ZRANB3: variants seen among roughly 807,000 people sequenced by gnomAD.
ZRANB3 encodes the protein DNA annealing helicase and endonuclease ZRANB3.
In ZRANB3, 125 loss-of-function variants were observed where a neutral mutation model predicts 133.8. That is an observed-to-expected ratio of 0.93 (90% confidence interval 0.81 to 1.08). The LOEUF is 1.08. Among genes scored for constraint, ZRANB3 ranks in the 50% least tolerant of loss-of-function variants. ZRANB3 has a pLI of 0.00. For missense variants in ZRANB3, 1,229 were observed against 1,275.5 expected, an observed-to-expected ratio of 0.96 and a Z score of 0.56; for synonymous variants, 387 against 432.7, an observed-to-expected ratio of 0.89 and a Z score of 1.31.
At chr2:135,506,343 T>C (rs761591021) in intron 1 of ZRANB3, among the ~76,000 whole-genome samples, 1 of 151,994 alleles carries the variant, frequency 6.6e-6, no homozygotes, top group Non-Finnish European at 1.5e-5. Flanking sequence ...TGAGCTGAGA[T>C]CGCACCACTG....
chr2:135,511,718 T>C, intron 1 of ZRANB3: 3 of 766,180 alleles, frequency 3.9e-6, no homozygotes, highest in Non-Finnish European at 4.9e-6. Context: ...TGGAGAATCT[T>C]GGTGTGGCAG....
intron 6 of ZRANB3, among the ~76,000 whole-genome samples, chr2:135,326,650 C>T (rs1318052521): frequency 6.6e-6 from 1 of 151,608 alleles, no homozygotes; most frequent in Non-Finnish European, 1.5e-5. Context: ...GCCTGTAATC[C>T]CAGCACTTTG....
chr2:135,333,573 A>C (rs1439627212), intron 6 of ZRANB3, among the ~76,000 whole-genome samples: 1 of 152,206 alleles, frequency 6.6e-6, no homozygotes, highest in Non-Finnish European at 1.5e-5. Flanking sequence ...ATAATAAATC[A>C]AATCTATAAA....
intron 2 of ZRANB3, among the ~76,000 whole-genome samples, chr2:135,497,601 C>T (rs1039989063): frequency 1.3e-5 from 2 of 152,306 alleles, no homozygotes; most frequent in Admixed American, 6.5e-5. Flanking sequence ...ATTTCCATCA[C>T]AGCGGAAAGT....
Position 135,198,168 on chromosome 2 carries a change from T to A in ZRANB3, c.*2174A>T, listed in dbSNP as rs182842709. 2 of 152,214 alleles carry A rather than the reference T, an allele frequency of 1.3e-5. No individual in the cohort carries two copies. The highest frequency in any genetic ancestry group is 2.9e-5 in the Non-Finnish European group (2 of 68,060). 9.4% of individuals were successfully genotyped at this position (152,214 alleles called of 1,614,324 possible). A position where few individuals can be genotyped will look rare whatever the true frequency, so the allele number is the denominator to read the frequency against. ...GGATCTGCCACTTGCTCTGACACTT[T>A]CTGTGTCCCTCTGTCATAACCTCCC... On this transcript the variant is annotated 3_prime_UTR_variant, in exon 21 of 21. Coordinates refer to ENST00000264159, the MANE Select transcript of ZRANB3 (RefSeq NM_032143.4).
intron 8 of ZRANB3, among the ~76,000 whole-genome samples, chr2:135,296,163 T>C (rs868767191): frequency 2.6e-5 from 4 of 152,244 alleles, no homozygotes; most frequent in African/African-American, 9.6e-5. Flanking sequence ...GATAATATCC[T>C]GCAGAGTGTT....
chr2:135,273,810 T>G (rs1187827529), intron 9 of ZRANB3, among the ~76,000 whole-genome samples: 1 of 152,170 alleles, frequency 6.6e-6, no homozygotes, highest in African/African-American at 2.4e-5. Context: ...GTGCTGGGAT[T>G]ACAGGTGTGA....
Position 135,275,741 on chromosome 2 carries a change from C to G in ZRANB3, c.981G>C (p.Lys327Asn), listed in dbSNP as rs762530793. The G allele has an allele frequency of 6.3e-7, 1 of 1,575,558 alleles. No homozygotes were observed. Among genetic ancestry groups the G allele is most frequent in the Non-Finnish European group, 8.6e-7 (1 of 1,160,928 alleles). ...QTAIAKAGAV[K>N]DYIKMMLQND... is the part of the protein sequence containing the mutation. ...TCTGAAGCATCATCTTAATATAATC[C>G]TTTACAGCACCTGCCTAAATATTAA... The change falls in exon 9 of 21, where the codon AAG (lysine) becomes AAC (asparagine). Residue 327 changes from lysine (K) to asparagine (N), a missense_variant. Physicochemically the swap from Lys to Asn is moderately conservative, Grantham distance 94. Coordinates refer to ENST00000264159, the MANE Select transcript of ZRANB3 (RefSeq NM_032143.4).
chr2:135,504,526 G>A lies in ZRANB3; in HGVS notation c.-7-30C>T, dbSNP rs1574218990. 20 of 1,581,294 alleles carry A rather than the reference G, an allele frequency of 1.3e-5. No individual in the cohort carries two copies. The East Asian group carries it at 4.3e-4, about 34-fold the overall frequency. On this transcript the variant is annotated intron_variant, in intron 1 of 20. Transcript: ENST00000264159. ...AAACAAAGAAACAACAAAAAAGGGA[G>A]GGGTATAAGAAATAGATATTACTAA...
chr2:135,530,576 G>C (rs1559060857), intron 1 of ZRANB3: 1 of 152,404 alleles, frequency 6.6e-6, no homozygotes, highest in East Asian at 1.9e-4. Context: ...TTTGGGACGT[G>C]TCCGCCCCTA....
At chr2:135,222,485 C>T (rs1694594784) in intron 15 of ZRANB3, among the ~76,000 whole-genome samples, 1 of 151,852 alleles carries the variant, frequency 6.6e-6, no homozygotes, top group South Asian at 2.1e-4. Flanking sequence ...TCACATGGTT[C>T]CTGTGATCCT....
rs557682406 is a variant in ZRANB3 at position 135,426,170 on chromosome 2, T to C, written c.162-35350A>G. 2.0e-5 allele frequency among the ~76,000 whole-genome samples: 3 copies of C among 151,678 alleles called. No homozygotes were observed. In the South Asian group the frequency reaches 6.3e-4, roughly 32 times the overall value. The stretch of plus-strand genomic sequence containing the variant: ...GATCCCTGAAAAGACCAATGATGAG[T>C]TCCAAAACTGATTCAGTAATAAAAA... On this transcript the variant is annotated intron_variant, in intron 2 of 20. Coordinates refer to ENST00000264159, the MANE Select transcript of ZRANB3 (RefSeq NM_032143.4).
chr2:135,299,877 AC>A (rs1172739686), intron 8 of ZRANB3, among the ~76,000 whole-genome samples: 1 of 152,244 alleles, frequency 6.6e-6, no homozygotes, highest in African/African-American at 2.4e-5. Context: ...GAAGCCCTGT[AC>A]TATCCTATTG....
chr2:135,252,984 T>C (rs1214479338), intron 12 of ZRANB3, among the ~76,000 whole-genome samples: 5 of 152,176 alleles, frequency 3.3e-5, no homozygotes, highest in African/African-American at 1.2e-4. Context: ...ACTACCACTA[T>C]TAGGAATTCA....
Position 135,442,579 on chromosome 2 carries a change from C to T in ZRANB3, c.162-51759G>A, listed in dbSNP as rs557402920. ...TGGAGAGGATGTGGAGAAACAGGAA[C>T]GCTTTTACACTGTTGGTGGGAGTGT... On this transcript the variant is annotated intron_variant, in intron 2 of 20. Transcript: ENST00000264159. 1.4e-4 allele frequency among the ~76,000 whole-genome samples: 22 copies of T among 152,262 alleles called. No individual in the cohort carries two copies. The South Asian group carries it at 3.5e-3, about 24-fold the overall frequency.
chr2:135,259,825 T>C (rs1023294954), intron 12 of ZRANB3, among the ~76,000 whole-genome samples: 2 of 152,144 alleles, frequency 1.3e-5, no homozygotes, highest in African/African-American at 4.8e-5. Context: ...AAGATTCTCT[T>C]AGGATACTTT....
At chr2:135,456,833 A>G (rs949571986) in intron 2 of ZRANB3, among the ~76,000 whole-genome samples, 5 of 152,198 alleles carry the variant, frequency 3.3e-5, no homozygotes, top group African/African-American at 1.2e-4. Context: ...CTCATTTAAG[A>G]ATCTACCACC....
intron 12 of ZRANB3, among the ~76,000 whole-genome samples, chr2:135,250,673 C>G (rs1679347638): frequency 6.6e-6 from 1 of 152,210 alleles, no homozygotes; most frequent in Non-Finnish European, 1.5e-5. Flanking sequence ...GGTGGAAGCC[C>G]CAAGCCTTGG....
At chr2:135,271,547 T>C (rs1680515474) in intron 10 of ZRANB3, among the ~76,000 whole-genome samples, 1 of 152,246 alleles carries the variant, frequency 6.6e-6, no homozygotes, top group Admixed American at 6.5e-5. Flanking sequence ...AGTATATTCT[T>C]TCAAAGACAT....
Sources: gnomAD v4.1 joint callset for allele counts (sites outside exome capture counted in the v4.1 genomes callset) on GRCh38, gnomAD v4.1.1 for gene constraint, MANE v1.5 for transcripts, NCBI Gene and HGNC (gene_info 2026-07-23, HGNC 2026-07-21) for gene names.